Variants in FSTL5 observed in about 807,000 individuals in gnomAD.
FSTL5 encodes the protein follistatin like 5, also known as follistatin-related protein 5.
Under a neutral mutation model 89.1 loss-of-function variants are expected in FSTL5, and 62 were observed. That is an observed-to-expected ratio of 0.70 (90% CI 0.57 to 0.86). The LOEUF (loss-of-function observed/expected upper bound fraction) is 0.86, where lower values mean the gene tolerates loss of function less well. Among genes scored for constraint, FSTL5 ranks in the 40% least tolerant of loss-of-function variants. FSTL5 has a pLI of 0.00. For synonymous variants in FSTL5, 383 were observed against 346.2 expected (o/e 1.11, Z -1.18); for missense variants, 1,057 against 1,001.6 (o/e 1.06, Z -0.75).
intron 8 of FSTL5, among the ~76,000 whole-genome samples, chr4:161,567,738 T>C (rs1173874031): frequency 1.6e-4 from 25 of 152,060 alleles, no homozygotes; most frequent in Admixed American, 1.6e-3. Context: ...CATAGGTGAA[T>C]AAAAAATAAT....
intron 15 of FSTL5, among the ~76,000 whole-genome samples, chr4:161,443,551 A>G (rs1001235482): frequency 6.6e-6 from 1 of 151,876 alleles, no homozygotes; most frequent in Non-Finnish European, 1.5e-5. Context: ...GACATTTCCT[A>G]TTGGAGCCTG....
chr4:161,844,471 G>T (rs1202171308), intron 4 of FSTL5, among the ~76,000 whole-genome samples: 1 of 152,046 alleles, frequency 6.6e-6, no homozygotes, highest in East Asian at 1.9e-4. Flanking sequence ...CTACTATAAA[G>T]ACATATGCCC....
intron 2 of FSTL5, among the ~76,000 whole-genome samples, chr4:162,090,543 G>A (rs951697498): frequency 1.3e-5 from 2 of 151,922 alleles, no homozygotes; most frequent in Non-Finnish European, 2.9e-5. Context: ...AATCAAGGCC[G>A]GGTGCGGTGA....
chr4:161,692,126 T>C (rs1737962890), intron 6 of FSTL5, among the ~76,000 whole-genome samples: 1 of 152,046 alleles, frequency 6.6e-6, no homozygotes, highest in Admixed American at 6.6e-5. Flanking sequence ...TGACTAGCAG[T>C]GGTGAAAGTG....
intron 3 of FSTL5, among the ~76,000 whole-genome samples, chr4:161,977,752 G>C (rs1025762093): frequency 6.6e-6 from 1 of 151,066 alleles, no homozygotes; most frequent in Admixed American, 6.6e-5. Flanking sequence ...ACAAGAAATT[G>C]GAATTCAAAT....
chr4:161,763,218 T>C (rs1000385799), intron 5 of FSTL5, among the ~76,000 whole-genome samples: 4 of 152,120 alleles, frequency 2.6e-5, no homozygotes, highest in African/African-American at 7.2e-5. Flanking sequence ...GACAACAAGA[T>C]AGACAAAAAT....
At chr4:162,084,475 T>G (rs1172716484) in intron 2 of FSTL5, among the ~76,000 whole-genome samples, 2 of 152,096 alleles carry the variant, frequency 1.3e-5, no homozygotes, top group Non-Finnish European at 2.9e-5. Context: ...TCTGCACATG[T>G]ATGTTTATTG....
intron 13 of FSTL5, among the ~76,000 whole-genome samples, chr4:161,477,515 T>C (rs1262097785): frequency 2.0e-5 from 3 of 151,138 alleles, no homozygotes; most frequent in African/African-American, 7.3e-5. Context: ...TTGTCTACTT[T>C]AGGAAATATT....
intron 14 of FSTL5, among the ~76,000 whole-genome samples, chr4:161,455,414 C>T (rs1733319584): frequency 1.3e-5 from 2 of 151,974 alleles, no homozygotes; most frequent in South Asian, 4.2e-4. Flanking sequence ...TTCTTCATTA[C>T]AAAAATCCTA....
At chr4:162,148,161 A>C (rs1038524983) in intron 1 of FSTL5, among the ~76,000 whole-genome samples, 3 of 152,224 alleles carry the variant, frequency 2.0e-5, no homozygotes, top group Non-Finnish European at 2.9e-5. Context: ...TGATATCTCC[A>C]ACTAATAAAT....
In FSTL5 at chr4:162,082,952, T is replaced by C. The variant is rs537719304; in HGVS notation, c.126+28319A>G. Among the ~76,000 whole-genome samples the C allele has an allele frequency of 3.3e-5, 5 of 151,526 alleles. No homozygotes were observed. The Admixed American group carries it at 3.3e-4, about 10-fold the overall frequency. On this transcript the variant is annotated intron_variant, in intron 2 of 15. Coordinates refer to ENST00000306100, the MANE Select transcript of FSTL5 (RefSeq NM_020116.5). ...CCATACATACCATAAAGTAAATCAA[T>C]ATCAAATACAAATTTGAATGGTAAG...
At chr4:161,717,885 G>C (rs772291272) in intron 6 of FSTL5, among the ~76,000 whole-genome samples, 5 of 151,900 alleles carry the variant, frequency 3.3e-5, no homozygotes, top group Non-Finnish European at 7.4e-5. Context: ...TGTACAATAG[G>C]TTATAGTTAT....
chr4:161,668,507 TC>T (rs1257431061), intron 6 of FSTL5, among the ~76,000 whole-genome samples: 1 of 152,200 alleles, frequency 6.6e-6, no homozygotes. Flanking sequence ...ACTTTCTAAC[TC>T]ATTCTCTGAG....
intron 6 of FSTL5, among the ~76,000 whole-genome samples, chr4:161,732,744 T>G (rs1476051168): frequency 6.6e-6 from 1 of 152,000 alleles, no homozygotes; most frequent in African/African-American, 2.4e-5. Context: ...GTATCTTCTG[T>G]TGAAAGGATT....
chr4:161,989,221 G>C (rs1236605015), intron 3 of FSTL5, among the ~76,000 whole-genome samples: 1 of 152,078 alleles, frequency 6.6e-6, no homozygotes. Context: ...AGGCAAGAAA[G>C]CCTCAGGTTG....
chr4:161,896,015 C>T (rs993067475), intron 4 of FSTL5, among the ~76,000 whole-genome samples: 1 of 152,094 alleles, frequency 6.6e-6, no homozygotes. Flanking sequence ...CCTCTTCCAC[C>T]AATGTGATCA....
At chr4:161,471,408 T>C (rs1402919444) in intron 13 of FSTL5, among the ~76,000 whole-genome samples, 1 of 152,238 alleles carries the variant, frequency 6.6e-6, no homozygotes, top group African/African-American at 2.4e-5. Context: ...TAAATCCTAC[T>C]TGGTCATGGG....
intron 4 of FSTL5, among the ~76,000 whole-genome samples, chr4:161,890,996 T>C (rs1732971398): frequency 6.6e-6 from 1 of 152,160 alleles, no homozygotes; most frequent in African/African-American, 2.4e-5. Context: ...TAGCTGGTTC[T>C]GCCTGATTTC....
intron 4 of FSTL5, among the ~76,000 whole-genome samples, chr4:161,779,788 T>C (rs1268492929): frequency 3.0e-4 from 13 of 43,448 alleles, no homozygotes; most frequent in South Asian, 2.2e-3. Context: ...TATATATATA[T>C]ATATATATAT....
Sources: allele counts gnomAD v4.1 joint callset (sites outside exome capture counted in the v4.1 genomes callset), GRCh38; gene constraint gnomAD v4.1.1; transcripts MANE v1.5; gene names NCBI Gene and HGNC (gene_info 2026-07-23, HGNC 2026-07-21).